KLRD1: variants seen among roughly 807,000 people sequenced by gnomAD.
The protein encoded by KLRD1 is killer cell lectin like receptor D1, also known as natural killer cells antigen CD94.
Under a neutral mutation model 22.6 loss-of-function variants are expected in KLRD1, and 21 were observed. The ratio of observed to expected loss-of-function variants is 0.93; its 90% CI spans 0.66 to 1.34. The LOEUF (loss-of-function observed/expected upper bound fraction) is 1.34, where lower values mean the gene tolerates loss of function less well. KLRD1 is among the 40% of genes most tolerant of loss of function. KLRD1 has a pLI of 0.00. For missense variants in KLRD1, 183 were observed against 208.6 expected, an observed-to-expected ratio of 0.88 and a Z score of 0.76; for synonymous variants, 59 against 71.1, an observed-to-expected ratio of 0.83 and a Z score of 0.85.
At chr12:10,268,044 G>C (rs1429201897) in intron 1 of KLRD1, among the ~76,000 whole-genome samples, 1 of 152,152 alleles carries the variant, frequency 6.6e-6, no homozygotes, top group African/African-American at 2.4e-5. Flanking sequence ...AATCAGTAAA[G>C]GTAAGTGAGT....
At chr12:10,314,197 T>G (rs1365251699) in intron 5 of KLRD1, among the ~76,000 whole-genome samples, 1 of 152,342 alleles carries the variant, frequency 6.6e-6, no homozygotes, top group East Asian at 1.9e-4. Context: ...ATTTATTATT[T>G]TATTTATTCT....
intron 1 of KLRD1, among the ~76,000 whole-genome samples, chr12:10,242,156 T>C (rs1258798043): frequency 6.8e-6 from 1 of 147,870 alleles, no homozygotes; most frequent in East Asian, 2.0e-4. Flanking sequence ...ATGGGATATA[T>C]GTGCTGATTT....
In KLRD1 at chr12:10,270,781, C is replaced by T. The variant is rs536622766; in HGVS notation, c.-100-37197C>T. Among the ~76,000 whole-genome samples the T allele has an allele frequency of 8.0e-4, 87 of 108,080 alleles. 1 individual carries two copies. The East Asian group carries it at 0.019, about 24-fold the overall frequency. 70.9% of individuals were successfully genotyped at this position (108,080 alleles called of 152,430 possible). ...CTGTGGGTTTAGTTCATTTCCCTCC[C>T]GTAATTTTTTTTTTTTTTTTGAGAC... On this transcript the variant is annotated intron_variant, in intron 1 of 5. Coordinates refer to the KLRD1 transcript ENST00000544747.
intron 1 of KLRD1, among the ~76,000 whole-genome samples, chr12:10,289,766 A>G (rs1218172884): frequency 6.6e-6 from 1 of 152,126 alleles, no homozygotes; most frequent in African/African-American, 2.4e-5. Context: ...GTCCATATCC[A>G]TAATTGAATT....
chr12:10,286,698 G>A (rs1322556853), intron 1 of KLRD1, among the ~76,000 whole-genome samples: 5 of 103,772 alleles, frequency 4.8e-5, no homozygotes, highest in South Asian at 3.3e-4. Context: ...TTATAGAGAC[G>A]GGATCTCACT....
At chr12:10,313,634 C>A in intron 5 of KLRD1, 121 bp downstream of exon 5, 1 of 496,788 alleles carries the variant, frequency 2.0e-6, no homozygotes. Flanking sequence ...CATGAGAATA[C>A]AGTAAAAGGA....
chr12:10,260,662 T>G (rs193084053), intron 1 of KLRD1, among the ~76,000 whole-genome samples: 1 of 151,116 alleles, frequency 6.6e-6, no homozygotes, highest in Admixed American at 6.6e-5. Context: ...AAAATTGGGC[T>G]GGGCGTGGTG....
chr12:10,273,316 G>C (rs539458313), intron 1 of KLRD1, among the ~76,000 whole-genome samples: 1 of 152,122 alleles, frequency 6.6e-6, no homozygotes. Context: ...TTGGTAGAAA[G>C]AATTCTATAA....
At chr12:10,243,620 A>C (rs1439212275) in intron 1 of KLRD1, among the ~76,000 whole-genome samples, 1 of 149,286 alleles carries the variant, frequency 6.7e-6, no homozygotes, top group East Asian at 2.0e-4. Context: ...AAAAAAAAAA[A>C]AAAAAAAAAA....
chr12:10,311,288 A>G (rs1950062648), intron 3 of KLRD1, among the ~76,000 whole-genome samples, 176 bp from the exon 4 acceptor site: 1 of 152,246 alleles, frequency 6.6e-6, no homozygotes, highest in African/African-American at 2.4e-5. Context: ...TCCATGAGGA[A>G]AAAGCATCAT....
In KLRD1 at chr12:10,318,238, C is replaced by T. The variant is rs1950272231; in HGVS notation, c.*3445C>T. 1 of 152,156 alleles carries T rather than the reference C, an allele frequency of 6.6e-6. No homozygotes were observed. The highest frequency in any genetic ancestry group is 1.5e-5 in the Non-Finnish European group (1 of 68,020). 9.4% of individuals were successfully genotyped at this position (152,156 alleles called of 1,614,324 possible). ...TCTTGGCCATGATATGGGTAGTAGG[C>T]TAACTAACTAGCTAACAAATGGTTT... On this transcript the variant is annotated 3_prime_UTR_variant, in exon 6 of 6. Coordinates refer to ENST00000336164, the MANE Select transcript of KLRD1 (RefSeq NM_002262.5).
At chr12:10,258,177 C>T (rs559669480) in intron 1 of KLRD1, among the ~76,000 whole-genome samples, 2 of 152,250 alleles carry the variant, frequency 1.3e-5, no homozygotes, top group Admixed American at 6.5e-5. Context: ...CCTCTATAAA[C>T]ATATGAGTCC....
intron 1 of KLRD1, among the ~76,000 whole-genome samples, chr12:10,257,272 AT>A (rs959550514): frequency 1.4e-5 from 2 of 145,446 alleles, no homozygotes; most frequent in African/African-American, 2.5e-5. Flanking sequence ...AAGATTCATG[AT>A]TTTTTTTTAA....
intron 1 of KLRD1, among the ~76,000 whole-genome samples, chr12:10,290,156 G>C (rs571797574): frequency 7.6e-6 from 1 of 131,422 alleles, no homozygotes; most frequent in African/African-American, 2.9e-5. Context: ...AGTTTCCAAC[G>C]CCCAAAATAT....
chr12:10,315,421 T>A lies in KLRD1; in HGVS notation c.*628T>A, dbSNP rs1374687823. 4.5e-6 allele frequency: 1 copy of A among 222,112 alleles called. No individual in the cohort carries two copies. The highest frequency in any genetic ancestry group is 9.3e-6 in the Non-Finnish European group (1 of 107,640). The allele number at this position is 222,112 out of a possible 1,614,324, so 13.8% of individuals were successfully genotyped here. A position where few individuals can be genotyped will look rare whatever the true frequency, so the allele number is the denominator to read the frequency against. On this transcript the variant is annotated 3_prime_UTR_variant, in exon 6 of 6. Transcript: ENST00000336164. ...GATTATAGGTGTGAACCACCATCCC[T>A]GGCCCTCTTCACATTCTTGTATGAA... is the stretch of plus-strand genomic sequence containing the variant.
At chr12:10,287,904 C>T (rs2137662989) in intron 1 of KLRD1, among the ~76,000 whole-genome samples, 1 of 152,014 alleles carries the variant, frequency 6.6e-6, no homozygotes, top group African/African-American at 2.4e-5. Flanking sequence ...CCTGTCTCTA[C>T]TAAAATACAA....
In KLRD1 at chr12:10,311,536, A is replaced by G; in HGVS notation, c.236A>G (p.Gln79Arg). Reference protein sequence around the residue: ...RCNCYFISSEQKTWNESRHLC... With the variant: ...RCNCYFISSERKTWNESRHLC... The stretch of plus-strand genomic sequence containing the variant: ...AACTGTTACTTCATTTCCAGTGAAC[A>G]GAAAACTTGGAACGAAAGTCGGCAT... The change falls in exon 4 of 6, where the codon CAG becomes CGG. Residue 79 changes from glutamine to arginine, a missense_variant. Transcript: ENST00000336164. 6.2e-7 allele frequency: 1 copy of G among 1,614,132 alleles called. No individual in the cohort carries two copies. Among genetic ancestry groups the G allele is most frequent in the Non-Finnish European group, 8.5e-7 (1 of 1,179,962 alleles).
intron 1 of KLRD1, among the ~76,000 whole-genome samples, chr12:10,265,057 C>A (rs1276745051): frequency 1.3e-5 from 2 of 152,018 alleles, no homozygotes; most frequent in Non-Finnish European, 2.9e-5. Flanking sequence ...AATACCCTCT[C>A]TCTATATATG....
chr12:10,296,464 C>T (rs551429110), intron 1 of KLRD1, among the ~76,000 whole-genome samples: 4 of 151,984 alleles, frequency 2.6e-5, no homozygotes, highest in South Asian at 2.1e-4. Context: ...TGCAGTGAGC[C>T]GAAATTGCAC....
Sources: gnomAD v4.1 joint callset for allele counts (sites outside exome capture counted in the v4.1 genomes callset) on GRCh38, gnomAD v4.1.1 for gene constraint, MANE v1.5 for transcripts, NCBI Gene and HGNC (gene_info 2026-07-23, HGNC 2026-07-21) for gene names.